MAPKAPK5: variants seen among roughly 807,000 people sequenced by gnomAD.
The protein encoded by MAPKAPK5 is MAP kinase-activated protein kinase 5.
Under a neutral mutation model 65.1 loss-of-function variants are expected in MAPKAPK5, and 30 were observed. That is an observed-to-expected ratio of 0.46 (90% CI 0.34 to 0.63). The LOEUF (loss-of-function observed/expected upper bound fraction) is 0.63, where lower values mean the gene tolerates loss of function less well. Among genes scored for constraint, MAPKAPK5 ranks in the 20% least tolerant of loss-of-function variants. MAPKAPK5 has a pLI of 0.01. For synonymous variants in MAPKAPK5, 179 were observed against 204.6 expected (o/e 0.87, Z 1.07); for missense variants, 433 against 581.4 (o/e 0.74, Z 2.63).
rs754589584 is a variant in MAPKAPK5 at position 111,885,934 on chromosome 12, G to A, written c.867G>A (p.Pro289=). The A allele has an allele frequency of 2.4e-5, 39 of 1,613,820 alleles. No homozygotes were observed. Among genetic ancestry groups the A allele is most frequent in the African/African-American group, 9.3e-5 (7 of 74,914 alleles). The change falls in exon 10 of 14, where the codon CCG becomes CCA. Residue 289 remains proline (P), a synonymous_variant. Transcript: ENST00000550735. The part of the protein sequence containing the change: ...DVVRKLLKVK[P]EERLTIEGVL... The stretch of plus-strand genomic sequence containing the variant: ...TCCACAGGCTCCTGAAGGTCAAACC[G>A]GAGGAGAGACTCACCATCGAGGGAG...
intron 1 of MAPKAPK5, among the ~76,000 whole-genome samples, chr12:111,853,367 G>A (rs1172796142): frequency 3.3e-5 from 5 of 150,624 alleles, no homozygotes; most frequent in Non-Finnish European, 5.9e-5. Context: ...GCGAAACTTC[G>A]TCTCAAAAAA....
At chr12:111,868,673 G>A (rs923014376) in intron 4 of MAPKAPK5, 80 bp from the exon 5 acceptor site, 4 of 1,102,240 alleles carry the variant, frequency 3.6e-6, no homozygotes, top group Admixed American at 2.5e-5. Flanking sequence ...CTTTAGGTCA[G>A]CTTCTTAATG....
intron 1 of MAPKAPK5, among the ~76,000 whole-genome samples, chr12:111,845,223 C>T (rs1024936769): frequency 2.6e-5 from 4 of 152,114 alleles, no homozygotes; most frequent in Non-Finnish European, 5.9e-5. Context: ...CTCCCAGGTT[C>T]AAGCAATTCT....
chr12:111,877,779 C>G (rs2070039111), intron 7 of MAPKAPK5, among the ~76,000 whole-genome samples: 1 of 152,136 alleles, frequency 6.6e-6, no homozygotes, highest in Non-Finnish European at 1.5e-5. Context: ...CTCCTGGGCT[C>G]AAGCGATCCT....
chr12:111,857,534 G>T (rs1029912405), intron 1 of MAPKAPK5, among the ~76,000 whole-genome samples: 8 of 152,158 alleles, frequency 5.3e-5, no homozygotes, highest in African/African-American at 9.7e-5. Context: ...GATTACAGAC[G>T]TGAGCCACCG....
chr12:111,845,725 C>A (rs1235459761), intron 1 of MAPKAPK5, among the ~76,000 whole-genome samples: 2 of 151,958 alleles, frequency 1.3e-5, no homozygotes, highest in Non-Finnish European at 2.9e-5. Context: ...AGTTGGAGAC[C>A]ACTCTGGCCA....
At chr12:111,887,617 GTGAGTCAAGACTGC>G (rs1260304433) in intron 10 of MAPKAPK5, 1 of 152,246 alleles carries the variant, frequency 6.6e-6, no homozygotes, top group Non-Finnish European at 1.5e-5. Context: ...AGAGGTTGCA[GTGAGTCAAGACTGC>G]ACCACTGCAC....
At chr12:111,892,774 A>G (rs2070659789) in intron 13 of MAPKAPK5, among the ~76,000 whole-genome samples, 193 bp from the exon 14 acceptor site, 1 of 152,138 alleles carries the variant, frequency 6.6e-6, no homozygotes, top group Admixed American at 6.6e-5. Flanking sequence ...TTTTACTGCC[A>G]GGTTAGTGGA....
At chr12:111,867,915 C>G (rs1434035497) in intron 4 of MAPKAPK5, among the ~76,000 whole-genome samples, 1 of 152,188 alleles carries the variant, frequency 6.6e-6, no homozygotes, top group African/African-American at 2.4e-5. Flanking sequence ...CAGTAATCCT[C>G]TTGTGGCCAG....
intron 1 of MAPKAPK5, among the ~76,000 whole-genome samples, chr12:111,845,747 C>A (rs11066045): frequency 0.19 from 29,478 of 151,472 alleles, 3,034 homozygotes; most frequent in Middle Eastern, 0.27. Context: ...CATGGCGAGA[C>A]CCCCGTCTCT....
Position 111,871,642 on chromosome 12 carries a change from C to CA in MAPKAPK5, c.579+471dup, listed in dbSNP as rs777616145. On this transcript the variant is annotated intron_variant, in intron 7 of 13. Transcript: ENST00000550735. ...TGGGCGACAGAGCGAGACTCCGTCT[C>CA]AAAAAAAAATAAATAAAATAAAATA... is the stretch of plus-strand genomic sequence containing the variant. Among the ~76,000 whole-genome samples, 213 of 149,564 alleles carry CA rather than the reference C, an allele frequency of 1.4e-3. 1 individual carries two copies. The highest frequency in any genetic ancestry group is 2.0e-3 in the Non-Finnish European group (138 of 67,414).
At chr12:111,860,376 T>C (rs543694932) in intron 1 of MAPKAPK5, among the ~76,000 whole-genome samples, 85 of 152,336 alleles carry the variant, frequency 5.6e-4, no homozygotes, top group Non-Finnish European at 9.4e-4. Flanking sequence ...TCAGTGATGG[T>C]CATGTGAAGA....
chr12:111,843,131 A>G (rs927648851), intron 1 of MAPKAPK5: 3 of 398,514 alleles, frequency 7.5e-6, no homozygotes, highest in African/African-American at 4.1e-5. Context: ...CGGATGGTCT[A>G]CAGAACTTGG....
In MAPKAPK5 at chr12:111,842,253, C is replaced by A. The variant is rs539874354; in HGVS notation, c.-481C>A. On this transcript the variant is annotated 5_prime_UTR_variant, in exon 1 of 14. Transcript: ENST00000550735. ...GTCCCGGCGATGTGTGGCGCTGAGG[C>A]GGCGGCGGGAGCAGCGGCGCCGAGC... 111 of 154,116 alleles carry A rather than the reference C, an allele frequency of 7.2e-4. 2 individuals are homozygous for A. Among genetic ancestry groups the A allele is most frequent in the Middle Eastern group, 6.7e-3 (2 of 298 alleles). 9.5% of individuals were successfully genotyped at this position (154,116 alleles called of 1,614,324 possible).
chr12:111,888,456 T>C, intron 10 of MAPKAPK5, 32 bp from the exon 11 acceptor site: 1 of 1,610,354 alleles, frequency 6.2e-7, no homozygotes, highest in Middle Eastern at 1.7e-4. Flanking sequence ...CAGCAATGAA[T>C]ATGAAAAACT....
chr12:111,870,202 T>G, intron 5 of MAPKAPK5, 69 bp from the exon 6 acceptor site: 1 of 1,037,412 alleles, frequency 9.6e-7, no homozygotes. Context: ...CATCCTGAGT[T>G]CTCTACGCCA....
At chr12:111,882,946 C>A in intron 8 of MAPKAPK5, 1 of 579,082 alleles carries the variant, frequency 1.7e-6, no homozygotes, top group Non-Finnish European at 2.2e-6. Context: ...TGGGGCAAAG[C>A]ATCCTATACC....
chr12:111,886,397 A>T (rs1473359277), intron 10 of MAPKAPK5, among the ~76,000 whole-genome samples: 3 of 152,274 alleles, frequency 2.0e-5, no homozygotes, highest in Non-Finnish European at 2.9e-5. Flanking sequence ...CATTTCAAAT[A>T]TCAGAGCTTT....
At chr12:111,843,489 G>C (rs763773145) in intron 1 of MAPKAPK5, 26 of 384,866 alleles carry the variant, frequency 6.8e-5, no homozygotes, top group Non-Finnish European at 1.1e-4. Context: ...TATCTGTCTT[G>C]ACAGCTGTAG....
Sources: gnomAD v4.1 joint callset for allele counts (sites outside exome capture counted in the v4.1 genomes callset) on GRCh38, gnomAD v4.1.1 for gene constraint, MANE v1.5 for transcripts, NCBI Gene and HGNC (gene_info 2026-07-23, HGNC 2026-07-21) for gene names.